ITGA9: variants seen among roughly 807,000 people sequenced by gnomAD.
ITGA9 encodes integrin alpha-9.
Under a neutral mutation model 127.8 loss-of-function variants are expected in ITGA9, and 56 were observed. The observed-to-expected ratio is 0.44, with a 90% CI of 0.35 to 0.55. The LOEUF is 0.55. Ranked by LOEUF, ITGA9 falls within the 20% of genes least tolerant of loss-of-function variation. ITGA9 has a pLI of 0.00. For synonymous variants in ITGA9, 508 were observed against 514.5 expected, an observed-to-expected ratio of 0.99 and a Z score of 0.17; for missense variants, 1,196 against 1,347.1, an observed-to-expected ratio of 0.89 and a Z score of 1.76.
At chr3:37,561,518 G>A (rs970161810) in intron 15 of ITGA9, among the ~76,000 whole-genome samples, 4 of 152,160 alleles carry the variant, frequency 2.6e-5, no homozygotes, top group Non-Finnish European at 4.4e-5. Context: ...GTATTATAAA[G>A]GTTGCTTTCA....
At chr3:37,478,772 T>A (rs773797070) in intron 3 of ITGA9, among the ~76,000 whole-genome samples, 1 of 152,260 alleles carries the variant, frequency 6.6e-6, no homozygotes, top group African/African-American at 2.4e-5. Flanking sequence ...AGAGACACTT[T>A]GCATTGTTTT....
intron 5 of ITGA9, 22 bp downstream of exon 5, chr3:37,494,590 A>C (rs1379957643): frequency 3.7e-6 from 6 of 1,601,334 alleles, no homozygotes; most frequent in African/African-American, 1.3e-5. Context: ...CTGTCTGGGC[A>C]TTTCTGTTCT....
intron 23 of ITGA9, among the ~76,000 whole-genome samples, chr3:37,777,091 A>G (rs1372334710): frequency 1.3e-5 from 2 of 152,206 alleles, no homozygotes; most frequent in Admixed American, 6.5e-5. Flanking sequence ...TTTCAAAACC[A>G]TGGAGTATAA....
chr3:37,562,461 T>A (rs9825270), intron 15 of ITGA9, among the ~76,000 whole-genome samples: 27,939 of 152,120 alleles, frequency 0.18, 3,524 homozygotes, highest in African/African-American at 0.36. Flanking sequence ...TTTCTAACCA[T>A]GCCCCCTCCC....
intron 15 of ITGA9, among the ~76,000 whole-genome samples, chr3:37,590,475 G>A (rs1324927107): frequency 6.6e-6 from 1 of 152,190 alleles, no homozygotes; most frequent in Non-Finnish European, 1.5e-5. Context: ...TCTCCCATGG[G>A]GTTTCACAGC....
In ITGA9 at chr3:37,821,026, A is replaced by G. The variant is rs1050251239; in HGVS notation, c.*2037A>G. ...GGTGGGTACTAACCTGGCATGGAGC[A>G]GGTGTGTCTTTTGGTTTCTTATGCA... On this transcript the variant is annotated 3_prime_UTR_variant, in exon 28 of 28. Coordinates refer to ENST00000264741, the MANE Select transcript of ITGA9 (RefSeq NM_002207.3). 3 of 152,180 alleles carry G rather than the reference A, an allele frequency of 2.0e-5. No homozygotes were observed. Among genetic ancestry groups the G allele is most frequent in the Non-Finnish European group, 4.4e-5 (3 of 68,034 alleles). 9.4% of individuals were successfully genotyped at this position (152,180 alleles called of 1,614,324 possible). A position where few individuals can be genotyped will look rare whatever the true frequency, so the allele number is the denominator to read the frequency against.
intron 5 of ITGA9, among the ~76,000 whole-genome samples, chr3:37,502,908 T>G (rs766947034): frequency 2.8e-4 from 43 of 152,228 alleles, no homozygotes; most frequent in Non-Finnish European, 5.3e-4. Flanking sequence ...ACGTGTGTGG[T>G]CTCATCGTGG....
rs907756795 is a variant in ITGA9 at position 37,799,008 on chromosome 3, C to T, written c.2890-4815C>T. On this transcript the variant is annotated intron_variant, in intron 26 of 27. Transcript: ENST00000264741. The surrounding 1 kb of genome is among the most constrained non-coding windows in gnomAD (Gnocchi z 4.0). ...TTGACCATAGTTTACTTATCTATTGCCCTAATGTTAGACACTTAGGATATT... is the reference window on the plus strand; with the variant it reads ...TTGACCATAGTTTACTTATCTATTGTCCTAATGTTAGACACTTAGGATATT... 2.6e-5 allele frequency among the ~76,000 whole-genome samples: 4 copies of T among 152,076 alleles called. No homozygotes were observed. The highest frequency in any genetic ancestry group is 5.9e-5 in the Non-Finnish European group (4 of 68,014).
In ITGA9 at chr3:37,786,953, C is replaced by A. The variant is rs79940642; in HGVS notation, c.2889+1875C>A. Among the ~76,000 whole-genome samples the A allele has an allele frequency of 2.3e-3, 357 of 152,290 alleles. 8 individuals are homozygous for A. The East Asian group carries it at 0.026, about 11-fold the overall frequency. ...CCTCCACCTGTTGGCTCAGGCCAGG[C>A]ACTAATTTTAATGATAGAAACCAAA... On this transcript the variant is annotated intron_variant, in intron 26 of 27. Coordinates refer to ENST00000264741, the MANE Select transcript of ITGA9 (RefSeq NM_002207.3).
At chr3:37,513,448 T>A (rs1355178364) in intron 8 of ITGA9, among the ~76,000 whole-genome samples, 1 of 152,144 alleles carries the variant, frequency 6.6e-6, no homozygotes, top group Non-Finnish European at 1.5e-5. Flanking sequence ...TTTTATTTTT[T>A]AGTATACATT....
chr3:37,512,120 C>CCTTCCTTCCTTCCTTCTTTTCT (rs1698929069), intron 8 of ITGA9, among the ~76,000 whole-genome samples: 1 of 39,450 alleles, frequency 2.5e-5, no homozygotes, highest in African/African-American at 1.2e-4. Flanking sequence ...TTCCTTCCTT[C>CCTTCCTTCCTTCCTTCTTTTCT]TTTCTTTTCT....
intron 21 of ITGA9, 112 bp downstream of exon 21, chr3:37,741,931 C>A: frequency 1.3e-6 from 1 of 783,588 alleles, no homozygotes. Context: ...GTGCCACCTC[C>A]ACTTCCTCCC....
chr3:37,588,858 G>A (rs1699785869), intron 15 of ITGA9, among the ~76,000 whole-genome samples: 1 of 152,196 alleles, frequency 6.6e-6, no homozygotes, highest in Non-Finnish European at 1.5e-5. Context: ...CCTAGCAAGT[G>A]CCCTGTCCTG....
intron 10 of ITGA9, 33 bp downstream of exon 10, chr3:37,517,642 C>T: frequency 7.0e-7 from 1 of 1,438,776 alleles, no homozygotes; most frequent in Non-Finnish European, 9.6e-7. Context: ...CGGAGCCCCT[C>T]CAGGTGCAGC....
intron 17 of ITGA9, among the ~76,000 whole-genome samples, chr3:37,660,980 C>G (rs968728798): frequency 6.6e-6 from 1 of 152,204 alleles, no homozygotes; most frequent in Non-Finnish European, 1.5e-5. Context: ...GGGCTCAGAA[C>G]TGGTGCACTT....
chr3:37,549,218 C>T (rs896287300), intron 15 of ITGA9, among the ~76,000 whole-genome samples: 1 of 152,120 alleles, frequency 6.6e-6, no homozygotes, highest in African/African-American at 2.4e-5. Flanking sequence ...CTGATATCTC[C>T]GATGAGCACT....
intron 12 of ITGA9, 26 bp downstream of exon 12, chr3:37,523,637 A>T: frequency 6.8e-7 from 1 of 1,468,588 alleles, no homozygotes; most frequent in Non-Finnish European, 9.5e-7. Flanking sequence ...TTAAAGGCAC[A>T]TGAGATAAAT....
intron 14 of ITGA9, among the ~76,000 whole-genome samples, chr3:37,537,254 G>C (rs1341648196): frequency 6.6e-6 from 1 of 152,192 alleles, no homozygotes; most frequent in Admixed American, 6.5e-5. Flanking sequence ...ATTAACTGCT[G>C]TTGGGGCCAG....
intron 18 of ITGA9, among the ~76,000 whole-genome samples, chr3:37,726,900 A>G (rs1696213237): frequency 6.6e-6 from 1 of 152,250 alleles, no homozygotes; most frequent in African/African-American, 2.4e-5. Context: ...AGTAATGTGC[A>G]GATGCTCCTT....
Sources: gnomAD v4.1 joint callset for allele counts (sites outside exome capture counted in the v4.1 genomes callset) on GRCh38, gnomAD v4.1.1 for gene constraint, Gnocchi (gnomAD v3.1) non-coding constraint, MANE v1.5 for transcripts, NCBI Gene and HGNC (gene_info 2026-07-23, HGNC 2026-07-21) for gene names.